Variants in AQR observed in about 807,000 individuals in gnomAD.
AQR encodes the protein RNA helicase aquarius.
AQR carries 61 observed loss-of-function variants against 180.5 expected under a neutral mutation model. The ratio of observed to expected loss-of-function variants is 0.34; its 90% CI spans 0.28 to 0.42. The LOEUF (loss-of-function observed/expected upper bound fraction) is 0.42. Ranked by LOEUF, AQR falls within the 10% of genes least tolerant of loss-of-function variation. The pLI, the probability that AQR is intolerant of heterozygous loss-of-function variation, is 1.00. For missense variants in AQR, 1,281 were observed against 1,798.3 expected, an observed-to-expected ratio of 0.71 and a Z score of 5.20; for synonymous variants, 551 against 588.8, an observed-to-expected ratio of 0.94 and a Z score of 0.93.
In AQR at chr15:34,871,536, A is replaced by G. The variant is rs573868946; in HGVS notation, c.3598-614T>C. Among the ~76,000 whole-genome samples the G allele has an allele frequency of 5.3e-5, 8 of 152,096 alleles. No homozygotes were observed. The South Asian group carries it at 1.2e-3, about 24-fold the overall frequency. ...AAAAAAAAAAAAAAAATTCTATACA[A>G]TGTGCCACAACTGTAGTTACACAGA... On this transcript the variant is annotated intron_variant, in intron 30 of 34. Coordinates refer to ENST00000156471, the MANE Select transcript of AQR (RefSeq NM_014691.3).
intron 6 of AQR, chr15:34,943,464 T>C: frequency 2.1e-6 from 1 of 483,334 alleles, no homozygotes; most frequent in Non-Finnish European, 3.3e-6. Context: ...AATAAATAAA[T>C]AAATAAATAA....
At chr15:34,908,161 A>G (rs1020048589) in intron 17 of AQR, among the ~76,000 whole-genome samples, 3 of 152,228 alleles carry the variant, frequency 2.0e-5, no homozygotes, top group African/African-American at 7.2e-5. Flanking sequence ...CTTTTATAAA[A>G]CAATATTCAG....
At chr15:34,872,094 CT>C (rs776159514) in intron 30 of AQR, among the ~76,000 whole-genome samples, 1 of 152,008 alleles carries the variant, frequency 6.6e-6, no homozygotes, top group Admixed American at 6.6e-5. Flanking sequence ...TTTTCTAGTT[CT>C]TTAACACTGC....
At chr15:34,964,342 G>C (rs1264394448) in intron 1 of AQR, 52 bp from the exon 2 acceptor site, 11 of 1,403,886 alleles carry the variant, frequency 7.8e-6, no homozygotes. Context: ...CCATTGTAGA[G>C]CTGGAAGACA....
chr15:34,963,895 C>T (rs2050295785), intron 2 of AQR, among the ~76,000 whole-genome samples: 1 of 152,068 alleles, frequency 6.6e-6, no homozygotes, highest in South Asian at 2.1e-4. Context: ...ATCTCCTGAC[C>T]TTGTGATCCA....
rs984304828 is a variant in AQR, at chr15:34,853,910, G to C, written c.*2882C>G. ...TAGGTACAACTCTGAGCCAGGTCTC[G>C]ATGAGTCCAAAGTGTGTTTTATAAT... On this transcript the variant is annotated 3_prime_UTR_variant, in exon 35 of 35. Coordinates refer to ENST00000156471, the MANE Select transcript of AQR (RefSeq NM_014691.3). 4 of 152,124 alleles carry C rather than the reference G, an allele frequency of 2.6e-5. No homozygotes were observed. The highest frequency in any genetic ancestry group is 9.7e-5 in the African/African-American group (4 of 41,414). The allele number at this position is 152,124 out of a possible 1,614,324, so 9.4% of individuals were successfully genotyped here.
chr15:34,861,871 T>G (rs1892675830), intron 33 of AQR, among the ~76,000 whole-genome samples: 2 of 152,248 alleles, frequency 1.3e-5, no homozygotes, highest in Admixed American at 1.3e-4. Flanking sequence ...AGTTTTTTTT[T>G]AGTAGGGGTG....
intron 9 of AQR, among the ~76,000 whole-genome samples, chr15:34,936,052 T>C (rs1004514046): frequency 6.6e-6 from 1 of 152,212 alleles, no homozygotes; most frequent in African/African-American, 2.4e-5. Flanking sequence ...TGTTTTTTTA[T>C]GAGAGCTGGT....
chr15:34,885,775 T>C (rs750848834), intron 25 of AQR, among the ~76,000 whole-genome samples: 1 of 152,198 alleles, frequency 6.6e-6, no homozygotes, highest in Non-Finnish European at 1.5e-5. Flanking sequence ...CCATGAAAGC[T>C]GCTCATTTTG....
At chr15:34,900,503 G>A in intron 20 of AQR, 119 bp downstream of exon 20, 1 of 1,208,428 alleles carries the variant, frequency 8.3e-7, no homozygotes, top group South Asian at 1.6e-5. Context: ...TGAAGGTAGG[G>A]ACTGCTAAAA....
chr15:34,890,068 C>G (rs530680411), intron 24 of AQR, 147 bp downstream of exon 24: 2 of 612,278 alleles, frequency 3.3e-6, no homozygotes, highest in East Asian at 3.1e-5. Context: ...GACCATATTT[C>G]TAGCTCAACA....
chr15:34,900,497 G>C (rs1214072504), intron 20 of AQR, 125 bp downstream of exon 20: 6 of 1,144,686 alleles, frequency 5.2e-6, no homozygotes, highest in Non-Finnish European at 7.4e-6. Flanking sequence ...GTATGGTGAA[G>C]GTAGGGACTG....
At chr15:34,893,125 T>G (rs1047835348) in intron 23 of AQR, among the ~76,000 whole-genome samples, 1 of 152,200 alleles carries the variant, frequency 6.6e-6, no homozygotes, top group African/African-American at 2.4e-5. Context: ...GAACCAGCAC[T>G]CAGACAAAAA....
chr15:34,906,368 G>C (rs1893417389), intron 18 of AQR, among the ~76,000 whole-genome samples, 177 bp downstream of exon 18: 1 of 152,104 alleles, frequency 6.6e-6, no homozygotes, highest in Non-Finnish European at 1.5e-5. Context: ...GAGAAACCAT[G>C]TTACCTATAT....
intron 16 of AQR, among the ~76,000 whole-genome samples, chr15:34,914,202 C>G (rs1270157616): frequency 6.6e-6 from 1 of 152,134 alleles, no homozygotes; most frequent in Non-Finnish European, 1.5e-5. Flanking sequence ...CATTTATAAT[C>G]ACTTGTGATG....
At chr15:34,917,987 TAACA>T (rs139408041) in intron 15 of AQR, among the ~76,000 whole-genome samples, 2,027 of 152,088 alleles carry the variant, frequency 0.013, 54 homozygotes, top group African/African-American at 0.047. Flanking sequence ...TGTCTCACAC[TAACA>T]AACAAAAAAA....
intron 19 of AQR, 96 bp downstream of exon 19, chr15:34,904,240 T>C: frequency 1.2e-6 from 1 of 868,634 alleles, no homozygotes; most frequent in Non-Finnish European, 1.6e-6. Flanking sequence ...ATTTTTTTCT[T>C]AACAAATCTT....
chr15:34,938,847 T>G (rs756920915), intron 8 of AQR, 34 bp from the exon 9 acceptor site: 1 of 1,435,408 alleles, frequency 7.0e-7, no homozygotes, highest in East Asian at 2.3e-5. Context: ...CAATTATTTT[T>G]GAAGAATAGT....
At chr15:34,875,811 A>G (rs1892881795) in intron 28 of AQR, 124 bp downstream of exon 28, 1 of 655,842 alleles carries the variant, frequency 1.5e-6, no homozygotes, top group Admixed American at 2.5e-5. Flanking sequence ...AATACCAAAC[A>G]TAATGAAGTT....
Sources: gnomAD v4.1 joint callset for allele counts (sites outside exome capture counted in the v4.1 genomes callset) on GRCh38, gnomAD v4.1.1 for gene constraint, MANE v1.5 for transcripts, NCBI Gene and HGNC (gene_info 2026-07-23, HGNC 2026-07-21) for gene names.